SEM1: variants seen among roughly 807,000 people sequenced by gnomAD.
SEM1 encodes the protein SEM1 26S proteasome subunit.
In SEM1, 3 loss-of-function variants were observed where a neutral mutation model predicts 12.7. That is an observed-to-expected ratio of 0.24 (90% CI 0.11 to 0.61). The LOEUF (loss-of-function observed/expected upper bound fraction) is 0.61, where lower values mean the gene tolerates loss of function less well. Among genes scored for constraint, SEM1 ranks in the 20% least tolerant of loss-of-function variants. The pLI, the probability that SEM1 is intolerant of heterozygous loss-of-function variation, is 0.88. For missense variants in SEM1, 59 were observed against 81.3 expected (o/e 0.73, Z 1.06); for synonymous variants, 30 against 27.8 (o/e 1.08, Z -0.25).
exon 4 of SEM1, chr7:96,483,627 G>A (rs1006400840): frequency 1.9e-6 from 1 of 515,106 alleles, no homozygotes; most frequent in Non-Finnish European, 3.5e-6. Flanking sequence ...TGTCAGTTGT[G>A]ATGACAGAGG....
intron 2 of SEM1, among the ~76,000 whole-genome samples, chr7:96,652,022 T>C (rs138396650): frequency 1.3e-5 from 2 of 152,306 alleles, no homozygotes; most frequent in African/African-American, 2.4e-5. Flanking sequence ...AATTCATACC[T>C]CTTCCCATCT....
chr7:96,488,016 A>G (rs1312830736), intron 1 of SEM1, among the ~76,000 whole-genome samples: 1 of 140,360 alleles, frequency 7.1e-6, no homozygotes, highest in Non-Finnish European at 1.5e-5. Flanking sequence ...TTGTAAGAAG[A>G]TATCCGTACT....
intron 2 of SEM1, among the ~76,000 whole-genome samples, chr7:96,555,450 C>A (rs1805453060): frequency 7.0e-6 from 1 of 142,774 alleles, no homozygotes; most frequent in South Asian, 2.4e-4. Context: ...GTTATGTACC[C>A]AGTAGTCATT....
At chr7:96,662,079 G>A (rs997031015) in intron 2 of SEM1, among the ~76,000 whole-genome samples, 1 of 151,980 alleles carries the variant, frequency 6.6e-6, no homozygotes, top group Non-Finnish European at 1.5e-5. Flanking sequence ...TGCTGGGAGT[G>A]TAAATTAGTT....
chr7:96,526,315 G>A (rs1311590997), intron 2 of SEM1, among the ~76,000 whole-genome samples: 1 of 151,540 alleles, frequency 6.6e-6, no homozygotes, highest in Non-Finnish European at 1.5e-5. Flanking sequence ...CATAGAGTAT[G>A]CAAAGTTTCT....
Position 96,698,233 on chromosome 7 carries a change from T to C in SEM1, c.77-3342A>G, listed in dbSNP as rs556615828. Reference sequence around the variant, plus strand: ...AGTCTGGCAGAATGGTTCCACTTTGTTGGTTCTCTTTGTTGATTTGGGATT... The same window carrying C: ...AGTCTGGCAGAATGGTTCCACTTTGCTGGTTCTCTTTGTTGATTTGGGATT... On this transcript the variant is annotated intron_variant, in intron 1 of 2. Coordinates refer to ENST00000248566, the MANE Select transcript of SEM1 (RefSeq NM_006304.2). Among the ~76,000 whole-genome samples, 8 of 151,790 alleles carry C rather than the reference T, an allele frequency of 5.3e-5. No homozygotes were observed. In the South Asian group the frequency reaches 1.7e-3, roughly 32 times the overall value.
At chr7:96,510,832 C>T (rs139334878) in intron 2 of SEM1, among the ~76,000 whole-genome samples, 2 of 152,250 alleles carry the variant, frequency 1.3e-5, no homozygotes, top group East Asian at 3.9e-4. Flanking sequence ...CCTCTGGCTG[C>T]AGCTATATGC....
At chr7:96,557,780 T>C (rs1050352121) in intron 2 of SEM1, among the ~76,000 whole-genome samples, 48 of 151,824 alleles carry the variant, frequency 3.2e-4, no homozygotes, top group South Asian at 2.1e-4. Context: ...GCGGGCGCCC[T>C]TCCCCCAGCC....
At chr7:96,667,696 A>T (rs1354722650) in intron 2 of SEM1, among the ~76,000 whole-genome samples, 3 of 152,226 alleles carry the variant, frequency 2.0e-5, no homozygotes, top group African/African-American at 7.2e-5. Context: ...ACATTAAACC[A>T]AAAAGCCTGG....
intron 2 of SEM1, among the ~76,000 whole-genome samples, chr7:96,560,233 A>G (rs1008267939): frequency 6.6e-6 from 1 of 152,248 alleles, no homozygotes; most frequent in Non-Finnish European, 1.5e-5. Flanking sequence ...TACACACTTT[A>G]ACTTCTGATA....
downstream of SEM1, among the ~76,000 whole-genome samples, chr7:96,685,424 T>C (rs1402916779): frequency 6.6e-6 from 1 of 151,726 alleles, no homozygotes; most frequent in Non-Finnish European, 1.5e-5. Context: ...TGGAGTAAAT[T>C]TGCAGCAAAC....
intron 2 of SEM1, among the ~76,000 whole-genome samples, chr7:96,521,361 T>C (rs1804263690): frequency 6.6e-6 from 1 of 152,124 alleles, no homozygotes; most frequent in African/African-American, 2.4e-5. Flanking sequence ...TCCAAGGTCA[T>C]CATTCCCCAG....
intron 2 of SEM1, among the ~76,000 whole-genome samples, chr7:96,654,456 A>G (rs1809111176): frequency 6.6e-6 from 1 of 152,202 alleles, no homozygotes; most frequent in African/African-American, 2.4e-5. Context: ...AGGCATTCAT[A>G]GAAACCATAC....
chr7:96,599,379 A>G (rs899675341), intron 2 of SEM1, among the ~76,000 whole-genome samples: 4 of 152,186 alleles, frequency 2.6e-5, no homozygotes, highest in Admixed American at 6.5e-5. Context: ...AACCCAGAGT[A>G]ATAATAAATA....
intron 3 of SEM1, among the ~76,000 whole-genome samples, chr7:96,484,302 C>G (rs531975493): frequency 1.2e-3 from 180 of 152,270 alleles, no homozygotes; most frequent in Non-Finnish European, 1.9e-3. Context: ...AAATCATATG[C>G]CTGTTTTCAA....
downstream of SEM1, among the ~76,000 whole-genome samples, chr7:96,686,595 T>A (rs918465562): frequency 3.9e-5 from 6 of 152,284 alleles, no homozygotes; most frequent in East Asian, 7.7e-4. Context: ...CTGTGCTTCA[T>A]TATATTTATA....
chr7:96,545,656 A>G (rs940887904), intron 2 of SEM1, among the ~76,000 whole-genome samples: 2 of 152,092 alleles, frequency 1.3e-5, no homozygotes, highest in Admixed American at 6.6e-5. Flanking sequence ...TAGGTTTCTT[A>G]AACATATATC....
intron 2 of SEM1, among the ~76,000 whole-genome samples, chr7:96,530,859 G>C (rs745973487): frequency 6.6e-6 from 1 of 152,086 alleles, no homozygotes; most frequent in Admixed American, 6.5e-5. Flanking sequence ...AATCCATGTG[G>C]GTTGGGGTGA....
At chr7:96,533,998 G>C (rs1018832676) in intron 2 of SEM1, among the ~76,000 whole-genome samples, 2 of 151,896 alleles carry the variant, frequency 1.3e-5, no homozygotes, top group East Asian at 3.9e-4. Flanking sequence ...CAAAATGAGA[G>C]GTATACGTAA....
Sources: gnomAD v4.1 joint callset for allele counts (sites outside exome capture counted in the v4.1 genomes callset) on GRCh38, gnomAD v4.1.1 for gene constraint, MANE v1.5 for transcripts, NCBI Gene and HGNC (gene_info 2026-07-23, HGNC 2026-07-21) for gene names.